ANKIB1: variants seen among roughly 807,000 people sequenced by gnomAD.
ANKIB1 encodes ankyrin repeat and IBR domain containing 1.
ANKIB1 carries 43 observed loss-of-function variants against 122.1 expected under a neutral mutation model. That is an observed-to-expected ratio of 0.35 (90% CI 0.28 to 0.45). The LOEUF (loss-of-function observed/expected upper bound fraction) is 0.45. Among genes scored for constraint, ANKIB1 ranks in the 20% least tolerant of loss-of-function variants. ANKIB1 has a pLI of 1.00. For missense variants in ANKIB1, 992 were observed against 1,329.5 expected, an observed-to-expected ratio of 0.75 and a Z score of 3.95; for synonymous variants, 390 against 442.0, an observed-to-expected ratio of 0.88 and a Z score of 1.48.
intron 10 of ANKIB1, among the ~76,000 whole-genome samples, chr7:92,365,026 C>T (rs1035391842): frequency 6.6e-6 from 1 of 152,148 alleles, no homozygotes; most frequent in Non-Finnish European, 1.5e-5. Context: ...TCATCTGAAA[C>T]TCAGAAAAGA....
At chr7:92,332,642 G>A (rs1803194589) in intron 5 of ANKIB1, among the ~76,000 whole-genome samples, 1 of 152,104 alleles carries the variant, frequency 6.6e-6, no homozygotes, top group Admixed American at 6.5e-5. Flanking sequence ...ATTTGCTTGT[G>A]CTTAGAATAA....
At chr7:92,321,326 A>G (rs548424426) in intron 4 of ANKIB1, among the ~76,000 whole-genome samples, 1 of 152,158 alleles carries the variant, frequency 6.6e-6, no homozygotes, top group Non-Finnish European at 1.5e-5. Flanking sequence ...TAAAGTCACC[A>G]TTGTGTAATA....
intron 1 of ANKIB1, among the ~76,000 whole-genome samples, chr7:92,260,495 A>G (rs1005964633): frequency 6.6e-6 from 1 of 152,162 alleles, no homozygotes; most frequent in Non-Finnish European, 1.5e-5. Context: ...CCTGGGCAAC[A>G]TGATGAGACC....
intron 11 of ANKIB1, among the ~76,000 whole-genome samples, chr7:92,377,893 A>G (rs750715299): frequency 6.6e-6 from 1 of 152,172 alleles, no homozygotes; most frequent in East Asian, 1.9e-4. Context: ...AATTTTACCA[A>G]ACCTTTAAGG....
intron 5 of ANKIB1, among the ~76,000 whole-genome samples, chr7:92,330,820 C>T (rs544859219): frequency 1.1e-4 from 17 of 151,972 alleles, no homozygotes; most frequent in Admixed American, 5.9e-4. Flanking sequence ...CCAGCCTGGA[C>T]GACAGAGCGA....
At chr7:92,269,311 T>C (rs1801736258) in intron 1 of ANKIB1, among the ~76,000 whole-genome samples, 1 of 152,200 alleles carries the variant, frequency 6.6e-6, no homozygotes, top group African/African-American at 2.4e-5. Context: ...TATTATCAGG[T>C]AAGCCTACGA....
intron 1 of ANKIB1, among the ~76,000 whole-genome samples, chr7:92,261,348 C>CA (rs765326035): frequency 0.04 from 2,545 of 63,490 alleles, 58 homozygotes; most frequent in African/African-American, 0.088. Flanking sequence ...GACTCCGTCT[C>CA]AAAAAAAAAA....
intron 6 of ANKIB1, 48 bp downstream of exon 6, chr7:92,343,280 T>G: frequency 2.0e-6 from 3 of 1,488,356 alleles, no homozygotes; most frequent in Non-Finnish European, 2.8e-6. Flanking sequence ...TTTATAGTCT[T>G]TTAACATTCA....
chr7:92,325,391 T>C (rs1016009762), intron 4 of ANKIB1, among the ~76,000 whole-genome samples: 2 of 152,206 alleles, frequency 1.3e-5, no homozygotes, highest in Non-Finnish European at 2.9e-5. Context: ...AGCCTAGGTC[T>C]TGATGCCCAG....
chr7:92,374,479 A>G (rs1804339989), intron 11 of ANKIB1, among the ~76,000 whole-genome samples: 1 of 152,196 alleles, frequency 6.6e-6, no homozygotes. Flanking sequence ...ACTCCATATC[A>G]AAAAAAGAAA....
chr7:92,339,644 A>C (rs1026475434), intron 5 of ANKIB1, among the ~76,000 whole-genome samples: 1 of 152,224 alleles, frequency 6.6e-6, no homozygotes, highest in African/African-American at 2.4e-5. Context: ...ATATAGGTAC[A>C]AGCTCTGCCC....
In ANKIB1 at chr7:92,301,960, G is replaced by A. The variant is rs777007364; in HGVS notation, c.189-5399G>A. On this transcript the variant is annotated intron_variant, in intron 2 of 19. Transcript: ENST00000265742. ...CCTTTTTTCTTTTTTTTTTTGAGAC[G>A]GAGTCTCATTTTGTCACCCAGGCTG... 1.1e-4 allele frequency among the ~76,000 whole-genome samples: 16 copies of A among 150,606 alleles called. No homozygotes were observed. The East Asian group carries it at 2.0e-3, about 18-fold the overall frequency.
At chr7:92,312,420 C>T (rs1203590954) in intron 3 of ANKIB1, among the ~76,000 whole-genome samples, 1 of 152,068 alleles carries the variant, frequency 6.6e-6, no homozygotes. Context: ...ATTTACAGGT[C>T]AGCAAACTTT....
intron 3 of ANKIB1, among the ~76,000 whole-genome samples, chr7:92,316,762 C>T (rs1333658744): frequency 2.0e-5 from 3 of 152,168 alleles, no homozygotes; most frequent in Non-Finnish European, 4.4e-5. Context: ...TGAATGAAGT[C>T]CACATTCTGG....
intron 1 of ANKIB1, among the ~76,000 whole-genome samples, chr7:92,274,767 C>T (rs1259778345): frequency 6.6e-6 from 1 of 151,892 alleles, no homozygotes; most frequent in African/African-American, 2.4e-5. Flanking sequence ...GGCAACATGC[C>T]CAGCCTGCAA....
At chr7:92,358,591 A>AT (rs1269482795) in intron 9 of ANKIB1, among the ~76,000 whole-genome samples, 23 of 34,754 alleles carry the variant, frequency 6.6e-4, no homozygotes, top group African/African-American at 2.4e-3. Context: ...TTCCCCCATG[A>AT]TTCTTTTTTT....
rs1253476877 is a variant in ANKIB1 at position 92,387,862 on chromosome 7, A to G, written c.1817A>G (p.Lys606Arg). The G allele has an allele frequency of 6.2e-7, 1 of 1,612,818 alleles. No homozygotes were observed. Among genetic ancestry groups the G allele is most frequent in the Admixed American group, 1.7e-5 (1 of 59,854 alleles). The change falls in exon 13 of 20, where the codon AAA becomes AGA. Residue 606 changes from lysine (K) to arginine (R), a missense_variant. By Grantham distance (26) the Lys-to-Arg change is conservative. Coordinates refer to ENST00000265742, the MANE Select transcript of ANKIB1 (RefSeq NM_019004.2). Reference protein sequence around the residue: ...DRFMHYYTRFKNHEHSYQLEQ... With the variant: ...DRFMHYYTRFRNHEHSYQLEQ... ...TTTATGCACTATTATACAAGATTTA[A>G]AAACCATGAGCATAGTTATCAGGTA... is the stretch of plus-strand genomic sequence containing the variant.
intron 17 of ANKIB1, chr7:92,396,086 C>T: frequency 2.6e-6 from 1 of 383,318 alleles, no homozygotes; most frequent in Non-Finnish European, 4.7e-6. Context: ...TCCTTGAAAT[C>T]ATCAGGCATA....
intron 5 of ANKIB1, 53 bp from the exon 6 acceptor site, chr7:92,342,971 T>A: frequency 2.6e-6 from 4 of 1,526,144 alleles, no homozygotes; most frequent in African/African-American, 2.7e-5. Flanking sequence ...ATAGCTTTTA[T>A]AACATTACCA....
Sources: allele counts gnomAD v4.1 joint callset (sites outside exome capture counted in the v4.1 genomes callset), GRCh38; gene constraint gnomAD v4.1.1; transcripts MANE v1.5; gene names NCBI Gene and HGNC (gene_info 2026-07-23, HGNC 2026-07-21).